The following IPCEF1 variants were observed in gnomAD, a reference collection of about 807,000 sequenced individuals.
IPCEF1 encodes interaction protein for cytohesin exchange factors 1.
IPCEF1 carries 31 observed loss-of-function variants against 50.9 expected under a neutral mutation model. The observed-to-expected ratio is 0.61, with a 90% CI of 0.46 to 0.82. IPCEF1 has a LOEUF of 0.82. Among genes scored for constraint, IPCEF1 ranks in the 40% least tolerant of loss-of-function variants. The pLI is 0.00. For synonymous variants in IPCEF1, 181 were observed against 192.0 expected (o/e 0.94, Z 0.47); for missense variants, 458 against 514.0 (o/e 0.89, Z 1.05).
chr6:154,253,696 T>A (rs9479800), intron 3 of IPCEF1, among the ~76,000 whole-genome samples: 1 of 151,872 alleles, frequency 6.6e-6, no homozygotes, highest in Admixed American at 6.5e-5. Context: ...TTTTTAGATA[T>A]TCCCACGTTT....
chr6:154,331,761 T>C (rs990154941), intron 1 of IPCEF1, among the ~76,000 whole-genome samples: 3 of 152,092 alleles, frequency 2.0e-5, no homozygotes, highest in Non-Finnish European at 4.4e-5. Flanking sequence ...TGAGCATTCA[T>C]ACAGCTCTAC....
At chr6:154,195,626 C>T (rs17085177) in intron 10 of IPCEF1, among the ~76,000 whole-genome samples, 8,335 of 152,102 alleles carry the variant, frequency 0.055, 331 homozygotes, top group South Asian at 0.19. Context: ...TAGATGAGAT[C>T]TTGTCTTGGG....
chr6:154,349,142 T>C (rs1390212719), intron 1 of IPCEF1, among the ~76,000 whole-genome samples: 1 of 151,544 alleles, frequency 6.6e-6, no homozygotes, highest in Non-Finnish European at 1.5e-5. Context: ...TTTGAGTTGG[T>C]TTCATCTTTT....
chr6:154,226,809 C>A (rs1008013249), intron 5 of IPCEF1, among the ~76,000 whole-genome samples: 11 of 152,100 alleles, frequency 7.2e-5, no homozygotes, highest in African/African-American at 2.7e-4. Context: ...GATGAAAGAC[C>A]CTTTATAATC....
intron 2 of IPCEF1, among the ~76,000 whole-genome samples, chr6:154,269,349 C>T (rs1190481733): frequency 2.0e-5 from 3 of 152,144 alleles, no homozygotes; most frequent in African/African-American, 4.8e-5. Flanking sequence ...AGAAATAATA[C>T]GCAGTCACTG....
At chr6:154,260,660 A>T (rs1781575404) in intron 3 of IPCEF1, among the ~76,000 whole-genome samples, 1 of 151,960 alleles carries the variant, frequency 6.6e-6, no homozygotes, top group Admixed American at 6.6e-5. Context: ...TTTAGTAGAG[A>T]CGGGGTTTCA....
chr6:154,325,688 T>C (rs1330689697), intron 1 of IPCEF1, among the ~76,000 whole-genome samples: 1 of 152,214 alleles, frequency 6.6e-6, no homozygotes, highest in Non-Finnish European at 1.5e-5. Context: ...ATAAAAATCT[T>C]TAATCCTGGT....
At chr6:154,312,927 AC>A (rs1783115619) in intron 1 of IPCEF1, among the ~76,000 whole-genome samples, 13 of 151,940 alleles carry the variant, frequency 8.6e-5, no homozygotes, top group African/African-American at 3.1e-4. Context: ...ATTTTTTAGA[AC>A]TTTTTCTTGG....
At chr6:154,298,327 A>T (rs1015762595) in intron 1 of IPCEF1, among the ~76,000 whole-genome samples, 3 of 152,202 alleles carry the variant, frequency 2.0e-5, no homozygotes, top group African/African-American at 7.2e-5. Context: ...AAGCTTTCAG[A>T]TACACCCCAT....
At chr6:154,238,341 T>C (rs1389862384) in intron 5 of IPCEF1, among the ~76,000 whole-genome samples, 1 of 152,132 alleles carries the variant, frequency 6.6e-6, no homozygotes, top group Non-Finnish European at 1.5e-5. Flanking sequence ...CTGCAACCTC[T>C]GCCTCCCAGG....
chr6:154,226,751 G>T (rs1779284112), intron 5 of IPCEF1, among the ~76,000 whole-genome samples: 1 of 152,042 alleles, frequency 6.6e-6, no homozygotes. Flanking sequence ...TAAATACCCT[G>T]CATGGTGTCC....
chr6:154,221,892 T>TA (rs1297008115), intron 6 of IPCEF1, among the ~76,000 whole-genome samples: 4 of 152,080 alleles, frequency 2.6e-5, no homozygotes, highest in Non-Finnish European at 4.4e-5. Context: ...AATAAATAAA[T>TA]AAAAAATAAA....
intron 9 of IPCEF1, among the ~76,000 whole-genome samples, chr6:154,201,674 C>T (rs1258932890): frequency 6.6e-6 from 1 of 152,200 alleles, no homozygotes; most frequent in East Asian, 1.9e-4. Flanking sequence ...GTGGGCAGAT[C>T]TCTTGAGGTG....
intron 1 of IPCEF1, among the ~76,000 whole-genome samples, chr6:154,353,432 C>T (rs969914034): frequency 2.0e-5 from 3 of 151,448 alleles, no homozygotes; most frequent in African/African-American, 4.9e-5. Flanking sequence ...GGATTACGTG[C>T]GCCCGCACCA....
At chr6:154,247,818 C>G in intron 3 of IPCEF1, 1 of 248,324 alleles carries the variant, frequency 4.0e-6, no homozygotes. Flanking sequence ...AAAATATTTC[C>G]CCTTTTGTGT....
chr6:154,333,803 ATGTG>A (rs1048207645), intron 1 of IPCEF1, among the ~76,000 whole-genome samples: 106 of 151,960 alleles, frequency 7.0e-4, no homozygotes, highest in African/African-American at 2.3e-3. Flanking sequence ...ATGTATATAT[ATGTG>A]TGTGTGTAAA....
At chr6:154,339,467 G>A (rs796281779) in intron 1 of IPCEF1, among the ~76,000 whole-genome samples, 15 of 146,604 alleles carry the variant, frequency 1.0e-4, no homozygotes, top group African/African-American at 3.0e-4. Flanking sequence ...TAGAGATAGC[G>A]TCTTGCTATA....
At chr6:154,282,091 C>T (rs1356896119) in intron 2 of IPCEF1, among the ~76,000 whole-genome samples, 1 of 152,072 alleles carries the variant, frequency 6.6e-6, no homozygotes, top group Non-Finnish European at 1.5e-5. Flanking sequence ...ATAGCTTGAA[C>T]CTGGGAAGCG....
chr6:154,184,256 T>TA (rs1801145242), intron 10 of IPCEF1, among the ~76,000 whole-genome samples: 1 of 152,104 alleles, frequency 6.6e-6, no homozygotes, highest in African/African-American at 2.4e-5. Context: ...TATAAAGTGA[T>TA]ACATATTAGA....
Sources: gnomAD v4.1 joint callset for allele counts (sites outside exome capture counted in the v4.1 genomes callset) on GRCh38, gnomAD v4.1.1 for gene constraint, MANE v1.5 for transcripts, NCBI Gene and HGNC (gene_info 2026-07-23, HGNC 2026-07-21) for gene names.